Variants in JPH3 observed in about 807,000 individuals in gnomAD.
The protein encoded by JPH3 is junctophilin 3.
In JPH3, 11 loss-of-function variants were observed where a neutral mutation model predicts 59.6. That is an observed-to-expected ratio of 0.18 (90% CI 0.12 to 0.31). JPH3 has a LOEUF of 0.31. Among genes scored for constraint, JPH3 ranks in the 10% least tolerant of loss-of-function variants. The pLI is 1.00. For synonymous variants in JPH3, 673 were observed against 483.6 expected (o/e 1.39, Z -5.14); for missense variants, 1,202 against 1,105.7 (o/e 1.09, Z -1.24).
intron 1 of JPH3, among the ~76,000 whole-genome samples, chr16:87,639,000 C>A (rs1231794381): frequency 6.6e-6 from 1 of 152,288 alleles, no homozygotes; most frequent in East Asian, 1.9e-4. Flanking sequence ...CCAGACTCTG[C>A]CTCAGGTGAC....
chr16:87,655,938 C>T (rs1043767021), intron 2 of JPH3, among the ~76,000 whole-genome samples: 1 of 152,234 alleles, frequency 6.6e-6, no homozygotes, highest in African/African-American at 2.4e-5. Context: ...TTCCCTTTGC[C>T]CACATGCCCT....
In JPH3 at chr16:87,603,193, G is replaced by T. The variant is rs780117387; in HGVS notation, c.47G>T (p.Cys16Phe). ...AATTTTGACGACGGAGGGTCCTACT[G>T]TGGAGGCTGGGAGGACGGCAAGGCG... is the stretch of plus-strand genomic sequence containing the variant. ...RFNFDDGGSY[C>F]GGWEDGKAHG... is the part of the protein sequence containing the mutation. The change falls in exon 1 of 5, where the codon TGT becomes TTT. Residue 16 changes from cysteine (C) to phenylalanine (F), a missense_variant. Transcript: ENST00000284262. 6.2e-7 allele frequency: 1 copy of T among 1,614,004 alleles called. No individual in the cohort carries two copies. The highest frequency in any genetic ancestry group is 8.5e-7 in the Non-Finnish European group (1 of 1,179,940).
intron 2 of JPH3, among the ~76,000 whole-genome samples, chr16:87,682,656 G>A (rs954691783): frequency 6.6e-6 from 1 of 152,222 alleles, no homozygotes; most frequent in African/African-American, 2.4e-5. Context: ...AGCAATGTCT[G>A]CTATTGATGA....
intron 1 of JPH3, among the ~76,000 whole-genome samples, chr16:87,627,018 G>T (rs1423830640): frequency 1.3e-5 from 2 of 152,216 alleles, no homozygotes; most frequent in Non-Finnish European, 2.9e-5. Flanking sequence ...TTTAAAAGGT[G>T]GTTGATTCTG....
intron 1 of JPH3, among the ~76,000 whole-genome samples, chr16:87,637,146 C>T (rs556070875): frequency 6.6e-6 from 1 of 152,354 alleles, no homozygotes; most frequent in African/African-American, 2.4e-5. Flanking sequence ...TTTTATTTCG[C>T]TGTGCTTCCG....
intron 2 of JPH3, 67 bp downstream of exon 2, chr16:87,645,102 C>T (rs1041072513): frequency 1.3e-6 from 2 of 1,496,808 alleles, no homozygotes; most frequent in Non-Finnish European, 1.8e-6. Flanking sequence ...CCAGTCTGTT[C>T]AGTCCTGCTG....
chr16:87,614,632 G>A (rs1405471760), intron 1 of JPH3, among the ~76,000 whole-genome samples: 1 of 143,554 alleles, frequency 7.0e-6, no homozygotes, highest in East Asian at 2.1e-4. Context: ...ACACAAGGGG[G>A]TCTGCGCCTC....
At chr16:87,692,573 C>T (rs1291906017) in intron 4 of JPH3, among the ~76,000 whole-genome samples, 1 of 113,060 alleles carries the variant, frequency 8.8e-6, no homozygotes, top group Non-Finnish European at 1.8e-5. Flanking sequence ...ACAGATGGGC[C>T]TGGGATTCTA....
At chr16:87,614,496 C>A (rs2030868712) in intron 1 of JPH3, among the ~76,000 whole-genome samples, 1 of 151,838 alleles carries the variant, frequency 6.6e-6, no homozygotes, top group Admixed American at 6.6e-5. Flanking sequence ...GTCCGCGCGT[C>A]CCCCGCAGGA....
intron 2 of JPH3, among the ~76,000 whole-genome samples, chr16:87,665,159 C>T (rs2032822812): frequency 6.6e-6 from 1 of 152,108 alleles, no homozygotes; most frequent in South Asian, 2.1e-4. Context: ...ACTGGCCTGC[C>T]CCTGGGCGGA....
At chr16:87,607,835 A>C (rs1021577904) in intron 1 of JPH3, among the ~76,000 whole-genome samples, 1 of 152,266 alleles carries the variant, frequency 6.6e-6, no homozygotes, top group Non-Finnish European at 1.5e-5. Context: ...TTTCAGAAAC[A>C]AGAAGCAAGC....
chr16:87,662,349 T>C (rs573544809), intron 2 of JPH3, among the ~76,000 whole-genome samples: 2 of 152,286 alleles, frequency 1.3e-5, no homozygotes, highest in East Asian at 3.9e-4. Context: ...AGCAGCACAT[T>C]CTGCATCTCC....
rs754027911 is a variant in JPH3, at chr16:87,645,004, G to T, written c.1129G>T (p.Ala377Ser). ...VEAAERAATI[A>S]KQKAEIAASR... is the part of the protein sequence containing the mutation. Reference sequence around the variant, plus strand: ...GGCCGCTGAGCGGGCCGCCACCATCGCCAAGCAGAAGGCTGAGATCGCGGC... The same window carrying T: ...GGCCGCTGAGCGGGCCGCCACCATCTCCAAGCAGAAGGCTGAGATCGCGGC... The change falls in exon 2 of 5, where the codon GCC becomes TCC. Residue 377 changes from alanine (A) to serine (S), a missense_variant. Ala to Ser is a moderately conservative substitution (Grantham distance 99). Coordinates refer to ENST00000284262, the MANE Select transcript of JPH3 (RefSeq NM_020655.4). 6.2e-7 allele frequency: 1 copy of T among 1,606,280 alleles called. No individual in the cohort carries two copies. The highest frequency in any genetic ancestry group is 1.1e-5 in the South Asian group (1 of 90,998).
intron 2 of JPH3, among the ~76,000 whole-genome samples, chr16:87,661,082 AG>A (rs2032686880): frequency 6.6e-6 from 1 of 152,230 alleles, no homozygotes. Flanking sequence ...AAGTTTCTGG[AG>A]GCTCCAGGGA....
At chr16:87,661,689 C>T (rs2032708422) in intron 2 of JPH3, among the ~76,000 whole-genome samples, 1 of 152,250 alleles carries the variant, frequency 6.6e-6, no homozygotes, top group Admixed American at 6.5e-5. Context: ...TGTCCAAGAG[C>T]AAAGACCCGT....
chr16:87,613,517 C>G (rs1334785157), intron 1 of JPH3, among the ~76,000 whole-genome samples: 2 of 152,128 alleles, frequency 1.3e-5, no homozygotes, highest in Non-Finnish European at 2.9e-5. Flanking sequence ...GACGGGGTTT[C>G]ACCATGTTGG....
intron 2 of JPH3, among the ~76,000 whole-genome samples, chr16:87,680,993 G>C (rs2033274688): frequency 6.6e-6 from 1 of 152,214 alleles, no homozygotes; most frequent in Non-Finnish European, 1.5e-5. Context: ...GGGCATTGTG[G>C]TCGAGGTCTG....
rs951349318 is a variant in JPH3 at position 87,684,236 on chromosome 16, T to G, written c.1255T>G (p.Phe419Val). Residue 419 changes from phenylalanine (F) to valine (V), a missense_variant, in exon 3 of 5, where the codon TTC becomes GTC. Coordinates refer to ENST00000284262, the MANE Select transcript of JPH3 (RefSeq NM_020655.4). ...ARIARITAKE[F>V]SPSFQHRENG... is the part of the protein sequence containing the mutation. ...GATCGCCAGGATCACTGCCAAAGAG[T>G]TCTCCCCTTCCTTCCAGCACCGGGA... The G allele has an allele frequency of 1.2e-6, 2 of 1,613,784 alleles. No individual in the cohort carries two copies. Among genetic ancestry groups the G allele is most frequent in the Admixed American group, 3.3e-5 (2 of 60,004 alleles).
chr16:87,605,290 C>T (rs901379415), intron 1 of JPH3, among the ~76,000 whole-genome samples: 6 of 152,200 alleles, frequency 3.9e-5, no homozygotes, highest in Non-Finnish European at 7.3e-5. Context: ...ACTCTGCCCA[C>T]GCTCCTCAGA....
Sources: gnomAD v4.1 joint callset for allele counts (sites outside exome capture counted in the v4.1 genomes callset) on GRCh38, gnomAD v4.1.1 for gene constraint, MANE v1.5 for transcripts, NCBI Gene and HGNC (gene_info 2026-07-23, HGNC 2026-07-21) for gene names.